The following EIF2B4 variants were observed in gnomAD, a reference collection of about 807,000 sequenced individuals.
EIF2B4 encodes translation initiation factor eIF2B subunit delta.
EIF2B4 carries 34 observed loss-of-function variants against 66.7 expected under a neutral mutation model. The ratio of observed to expected loss-of-function variants is 0.51; its 90% CI spans 0.39 to 0.68. EIF2B4 has a LOEUF of 0.68. Among genes scored for constraint, EIF2B4 ranks in the 30% least tolerant of loss-of-function variants. The pLI, the probability that EIF2B4 is intolerant of heterozygous loss-of-function variation, is 0.00. For synonymous variants in EIF2B4, 278 were observed against 253.6 expected (o/e 1.10, Z -0.92); for missense variants, 618 against 657.9 (o/e 0.94, Z 0.66).
Position 27,364,792 on chromosome 2 carries a change from G to A in EIF2B4, c.1298C>T (p.Pro433Leu), listed in dbSNP as rs1681721084. ...GTATGTTTCACAGCAAACCAGCACT[G>A]GTACATTATGGGCTCGAGCCACCAG... Reference protein sequence around the residue: ...LALVARAHNVPVLVCCETYKF... With the variant: ...LALVARAHNVLVLVCCETYKF... Residue 433 changes from proline to leucine, a missense_variant, in exon 12 of 13, where the codon CCA (proline) becomes CTA (leucine). By Grantham distance (98) the Pro-to-Leu change is moderately conservative. Coordinates refer to ENST00000347454, the MANE Select transcript of EIF2B4 (RefSeq NM_001034116.2). 6.2e-7 allele frequency: 1 copy of A among 1,614,124 alleles called. No individual in the cohort carries two copies. The highest frequency in any genetic ancestry group is 8.5e-7 in the Non-Finnish European group (1 of 1,180,038).
Position 27,369,157 on chromosome 2 carries a change from C to T in EIF2B4, c.267G>A (p.Glu89=). 6.2e-7 allele frequency: 1 copy of T among 1,613,800 alleles called. No homozygotes were observed. Among genetic ancestry groups the T allele is most frequent in the South Asian group, 1.1e-5 (1 of 91,082 alleles). The change falls in exon 4 of 13, where the codon GAG becomes GAA. Residue 89 remains glutamate (E), a synonymous_variant. Transcript: ENST00000347454. ...CCTTACTCCGACCAGCTGGAACTTT[C>T]TCCCGAGGAGTGCCCAACTGAATGC... ...ESGIQLGTPR[E]KVPAGRSKAE...
intron 11 of EIF2B4, 157 bp from the exon 12 acceptor site, chr2:27,365,055 CTT>C (rs35891906): frequency 0.019 from 11,287 of 595,216 alleles, 4 homozygotes; most frequent in Admixed American, 0.026. Flanking sequence ...AGTAATAAAT[CTT>C]TTTTTTTTTT....
intron 4 of EIF2B4, 122 bp from the exon 5 acceptor site, chr2:27,368,855 A>T: frequency 7.0e-7 from 1 of 1,424,530 alleles, no homozygotes; most frequent in Non-Finnish European, 9.8e-7. Context: ...AATAGGGTAG[A>T]AAAGGAAATA....
chr2:27,365,713 AC>A (rs1681798312), intron 11 of EIF2B4: 1 of 152,080 alleles, frequency 6.6e-6, no homozygotes, highest in Non-Finnish European at 1.5e-5. Context: ...CTGTGAAAAC[AC>A]CTGACCACTG....
intron 11 of EIF2B4, chr2:27,365,625 C>G (rs1156795967): frequency 6.6e-6 from 1 of 152,280 alleles, no homozygotes; most frequent in East Asian, 1.9e-4. Context: ...AACTGCCCTC[C>G]TCGGCCTCCC....
At position 27,369,038 on chromosome 2, in the gene EIF2B4, G is replaced by C; in HGVS notation, c.386C>G (p.Ala129Gly). 1.2e-6 allele frequency: 2 copies of C among 1,614,118 alleles called. No individual in the cohort carries two copies. The highest frequency in any genetic ancestry group is 1.7e-6 in the Non-Finnish European group (2 of 1,180,016). The change falls in exon 4 of 13, where the codon GCC becomes GGC. Residue 129 changes from alanine (A) to glycine (G), a missense_variant. By Grantham distance (60) the Ala-to-Gly change is moderately conservative (BLOSUM62 0). Coordinates refer to ENST00000347454, the MANE Select transcript of EIF2B4 (RefSeq NM_001034116.2). Reference sequence around the variant, plus strand: ...GGTTTCTCCAGCTGTGCTGGGGCTGGCCTTAGGAGGTGGTCCTCCTTGTTC... The same window carrying C: ...GGTTTCTCCAGCTGTGCTGGGGCTGCCCTTAGGAGGTGGTCCTCCTTGTTC... The part of the protein sequence containing the change: ...KGEQGGPPPK[A>G]SPSTAGETPS...
chr2:27,367,522 G>A lies in EIF2B4; in HGVS notation c.820C>T (p.His274Tyr), dbSNP rs1193624166. 4.3e-6 allele frequency: 7 copies of A among 1,613,956 alleles called. No homozygotes were observed. In the African/African-American group the frequency reaches 9.4e-5, roughly 22 times the overall value. ...TQCRPLSASM[H>Y]NAIKFLNKEI... ...TTGTTAAGGAACTTGATGGCGTTGTGCATGCTCGCTGACAGGGGACGGCAC... is the reference window on the plus strand; with the variant it reads ...TTGTTAAGGAACTTGATGGCGTTGTACATGCTCGCTGACAGGGGACGGCAC... Residue 274 changes from histidine to tyrosine, a missense_variant, in exon 9 of 13, where the codon CAC becomes TAC. Coordinates refer to ENST00000347454, the MANE Select transcript of EIF2B4 (RefSeq NM_001034116.2).
Position 27,369,208 on chromosome 2 carries a change from G to A in EIF2B4, c.216C>T (p.Gly72=), listed in dbSNP as rs1141530. ...SAVSAAQCQV[G]PTRELPESGI... ...CCGATTCTGGCAGTTCTCTGGTTGG[G>A]CCTACTAAAAGCATTAAAAAAAAAA... The change falls in exon 4 of 13, where the codon GGC becomes GGT. Residue 72 remains glycine, a synonymous_variant. Coordinates refer to ENST00000347454, the MANE Select transcript of EIF2B4 (RefSeq NM_001034116.2). 6 of 1,611,204 alleles carry A rather than the reference G, an allele frequency of 3.7e-6. No homozygotes were observed. The highest frequency in any genetic ancestry group is 1.1e-5 in the South Asian group (1 of 91,066).
At chr2:27,367,291 C>G (rs752447918) in intron 9 of EIF2B4, 90 bp from the exon 10 acceptor site, 4 of 1,597,692 alleles carry the variant, frequency 2.5e-6, no homozygotes, top group Non-Finnish European at 3.4e-6. Flanking sequence ...TGTATGATGA[C>G]AAGCCTATAG....
At position 27,366,824 on chromosome 2, in the gene EIF2B4, G is replaced by C. The variant is rs1681896026; in HGVS notation, c.1126C>G (p.Leu376Val). The C allele has an allele frequency of 6.2e-7, 1 of 1,614,226 alleles. No individual in the cohort carries two copies. The highest frequency in any genetic ancestry group is 1.3e-5 in the African/African-American group (1 of 75,054). Residue 376 changes from leucine (L) to valine (V), a missense_variant, in exon 11 of 13, where the codon CTA becomes GTA. Transcript: ENST00000347454. ...WLEGRHTLRS[L>V]VHAGVPASYL... ...GAGGCTGGGACACCAGCATGGACTA[G>C]AGAACGTAGTGTGTGCCTTCCTTCC...
rs886055903 is a variant in EIF2B4 at position 27,369,082 on chromosome 2, C to G, written c.342G>C (p.Leu114=). 54 of 1,614,136 alleles carry G rather than the reference C, an allele frequency of 3.3e-5. No individual in the cohort carries two copies. The highest frequency in any genetic ancestry group is 3.9e-5 in the Non-Finnish European group (46 of 1,180,030). The change falls in exon 4 of 13, where the codon CTG becomes CTC. Residue 114 remains leucine, a synonymous_variant. Coordinates refer to ENST00000347454, the MANE Select transcript of EIF2B4 (RefSeq NM_001034116.2). ...CTTGTTCCCCTTTTCTTGCCTGTTT[C>G]AGGGCCCGCTCGGCCTCCTGCTTGG... The part of the protein sequence containing the change: ...RRAKQEAERA[L]KQARKGEQGG...
In EIF2B4 at chr2:27,369,933, C is replaced by G. The variant is rs1443146504; in HGVS notation, c.32-14G>C. ...CGGATCCCGAGTCTGCATCAGAAAA[C>G]AGGGCACAAAGTGAGCCAGAGAGAC... On this transcript the variant is annotated splice_polypyrimidine_tract_variant and intron_variant, in intron 1 of 12. Coordinates refer to ENST00000347454, the MANE Select transcript of EIF2B4 (RefSeq NM_001034116.2). The G allele has an allele frequency of 6.3e-7, 1 of 1,579,186 alleles. No homozygotes were observed. The highest frequency in any genetic ancestry group is 8.6e-7 in the Non-Finnish European group (1 of 1,162,814).
At chr2:27,366,628 G>A in intron 11 of EIF2B4, 131 bp downstream of exon 11, 1 of 1,087,292 alleles carries the variant, frequency 9.2e-7, no homozygotes, top group Non-Finnish European at 1.4e-6. Context: ...GCAGTGAGCT[G>A]TGATCACGTC....
At chr2:27,367,933 CTG>C in intron 7 of EIF2B4, 90 bp downstream of exon 7, 4 of 1,484,388 alleles carry the variant, frequency 2.7e-6, no homozygotes, top group Non-Finnish European at 3.7e-6. Context: ...AGTATTCCCT[CTG>C]TCCCCCAGAG....
rs758233858 is a variant in EIF2B4 at position 27,369,129 on chromosome 2, C to T, written c.295G>A (p.Glu99Lys). 16 of 1,613,854 alleles carry T rather than the reference C, an allele frequency of 9.9e-6. No individual in the cohort carries two copies. The highest frequency in any genetic ancestry group is 8.0e-5 in the African/African-American group (6 of 74,842). Residue 99 changes from glutamate to lysine, a missense_variant, in exon 4 of 13, where the codon GAA (glutamate) becomes AAA (lysine). Around this residue, in one of 4 missense-constraint regions of EIF2B4, gnomAD observed 506 missense variants for 511.9 expected, o/e 0.99. Transcript: ENST00000347454. Reference protein sequence around the residue: ...EKVPAGRSKAELRAERRAKQE... With the variant: ...EKVPAGRSKAKLRAERRAKQE... ...TTGGCTCGACGCTCAGCCCGAAGTT[C>T]GGCCTTACTCCGACCAGCTGGAACT... is the stretch of plus-strand genomic sequence containing the variant.
Position 27,369,146 on chromosome 2 carries a change from G to C in EIF2B4, c.278C>G (p.Ala93Gly). The C allele has an allele frequency of 6.2e-7, 1 of 1,613,794 alleles. No individual in the cohort carries two copies. Among genetic ancestry groups the C allele is most frequent in the Middle Eastern group, 1.6e-4 (1 of 6,062 alleles). Reference protein sequence around the residue: ...QLGTPREKVPAGRSKAELRAE... With the variant: ...QLGTPREKVPGGRSKAELRAE... ...CCGAAGTTCGGCCTTACTCCGACCA[G>C]CTGGAACTTTCTCCCGAGGAGTGCC... Residue 93 changes from alanine (A) to glycine (G), a missense_variant, in exon 4 of 13, where the codon GCT (alanine) becomes GGT (glycine). By Grantham distance (60) the Ala-to-Gly change is moderately conservative. This residue lies in a region of EIF2B4 where 506 missense variants were observed against 511.9 expected (regional missense o/e 0.99). Transcript: ENST00000347454.
At chr2:27,368,321 T>A in intron 6 of EIF2B4, 51 bp downstream of exon 6, 1 of 1,520,446 alleles carries the variant, frequency 6.6e-7, no homozygotes, top group Non-Finnish European at 9.1e-7. Flanking sequence ...CAATACTGAC[T>A]TACTAAAACT....
At chr2:27,370,068 A>G in intron 1 of EIF2B4, 149 bp from the exon 2 acceptor site, 1 of 1,505,124 alleles carries the variant, frequency 6.6e-7, no homozygotes, top group South Asian at 1.3e-5. Flanking sequence ...GTGGGGACGC[A>G]CTGCGCGGCG....
chr2:27,369,401 AC>A lies in EIF2B4; in HGVS notation c.211+12del, dbSNP rs2148380644. 1 of 1,613,320 alleles carries A rather than the reference AC, an allele frequency of 6.2e-7. No homozygotes were observed. The highest frequency in any genetic ancestry group is 8.5e-7 in the Non-Finnish European group (1 of 1,179,884). Reference sequence around the variant, plus strand: ...TCCACACCCCAGCCCTTTAAAAGAGACCCCTCACTCACCTTGACATTGGGCT... The same window carrying A: ...TCCACACCCCAGCCCTTTAAAAGAGACCCTCACTCACCTTGACATTGGGCT... On this transcript the variant is annotated intron_variant, in intron 3 of 12. Transcript: ENST00000347454.
Sources: allele counts gnomAD v4.1 joint callset, GRCh38; gene constraint gnomAD v4.1.1; regional missense constraint gnomAD v4.1.1; transcripts MANE v1.5; gene names NCBI Gene and HGNC (gene_info 2026-07-23, HGNC 2026-07-21).